The following SRPK2 variants were observed in gnomAD, a reference collection of about 807,000 sequenced individuals.
SRPK2 encodes the protein SFRS protein kinase 2.
In SRPK2, 21 loss-of-function variants were observed where a neutral mutation model predicts 90.8. The ratio of observed to expected loss-of-function variants is 0.23; its 90% CI spans 0.16 to 0.33. The LOEUF is 0.33. Ranked by LOEUF, SRPK2 falls within the 10% of genes least tolerant of loss-of-function variation. The pLI is 1.00. For missense variants in SRPK2, 620 were observed against 869.0 expected (o/e 0.71, Z 3.60); for synonymous variants, 288 against 311.1 (o/e 0.93, Z 0.78).
chr7:105,140,657 A>G (rs1232331149), intron 11 of SRPK2, among the ~76,000 whole-genome samples: 1 of 151,972 alleles, frequency 6.6e-6, no homozygotes, highest in Non-Finnish European at 1.5e-5. Context: ...GGTACTTTGT[A>G]AATTACTTTC....
At chr7:105,379,703 G>A (rs892107835) in intron 2 of SRPK2, among the ~76,000 whole-genome samples, 1 of 152,218 alleles carries the variant, frequency 6.6e-6, no homozygotes, top group African/African-American at 2.4e-5. Context: ...ACTGGGCCAG[G>A]CGTGGTGGCT....
At chr7:105,233,098 AG>A (rs1330001616) in intron 2 of SRPK2, among the ~76,000 whole-genome samples, 3 of 74,238 alleles carry the variant, frequency 4.0e-5, no homozygotes, top group African/African-American at 1.5e-4. Flanking sequence ...GAAAGAAGGA[AG>A]GAAGGAAGGA....
Position 105,247,517 on chromosome 7 carries a change from CACACACACACATAA to C in SRPK2, c.72-43746_72-43733del, listed in dbSNP as rs796396276. 3.1e-3 allele frequency among the ~76,000 whole-genome samples: 365 copies of C among 115,988 alleles called. 7 individuals are homozygous for C. The East Asian group carries it at 0.058, about 19-fold the overall frequency. 76.1% of individuals were successfully genotyped at this position (115,988 alleles called of 152,430 possible). A position where few individuals can be genotyped will look rare whatever the true frequency, so the allele number is the denominator to read the frequency against. Reference sequence around the variant, plus strand: ...CCGGAGTGCCATACATACCAAAAAACACACACACACATAAACACACACACACACACACACACACA... The same window carrying C: ...CCGGAGTGCCATACATACCAAAAAACACACACACACACACACACACACACA... On this transcript the variant is annotated intron_variant, in intron 2 of 15. Transcript: ENST00000393651.
intron 3 of SRPK2, among the ~76,000 whole-genome samples, chr7:105,176,250 G>A (rs1791828681): frequency 6.6e-6 from 1 of 152,106 alleles, no homozygotes; most frequent in Admixed American, 6.5e-5. Flanking sequence ...ATCAGACACA[G>A]AAAATCATCT....
intron 2 of SRPK2, among the ~76,000 whole-genome samples, chr7:105,301,188 A>G (rs1682024458): frequency 6.6e-6 from 1 of 152,078 alleles, no homozygotes; most frequent in Non-Finnish European, 1.5e-5. Context: ...TCACGCCTGT[A>G]ATCCCAGCAC....
At position 105,213,068 on chromosome 7, in the gene SRPK2, G is replaced by C. The variant is rs370146111; in HGVS notation, c.72-9283C>G. ...TATATCAAGGACTTGAGCATCCATG[G>C]ATTTTGGTATCCGAATGGGATCCTG... On this transcript the variant is annotated intron_variant, in intron 2 of 15. Coordinates refer to ENST00000393651, the MANE Select transcript of SRPK2 (RefSeq NM_182692.3). 5.3e-5 allele frequency among the ~76,000 whole-genome samples: 8 copies of C among 152,282 alleles called. No homozygotes were observed. In the East Asian group the frequency reaches 1.2e-3, roughly 22 times the overall value.
At chr7:105,143,561 G>A (rs1247165355) in intron 9 of SRPK2, 1 of 557,164 alleles carries the variant, frequency 1.8e-6, no homozygotes, top group East Asian at 3.1e-5. Flanking sequence ...TGCCCTCAGA[G>A]GGATATAGCT....
intron 2 of SRPK2, among the ~76,000 whole-genome samples, chr7:105,257,998 T>A (rs1300191099): frequency 6.6e-6 from 1 of 151,624 alleles, no homozygotes; most frequent in African/African-American, 2.4e-5. Context: ...TCCCACCTAC[T>A]CTGGAGGGGG....
chr7:105,171,018 G>A lies in SRPK2; in HGVS notation c.230-1753C>T, dbSNP rs1023189663. 2.5e-5 allele frequency among the ~76,000 whole-genome samples: 3 copies of A among 120,578 alleles called. 1 individual carries two copies. The highest frequency in any genetic ancestry group is 5.3e-5 in the Non-Finnish European group (3 of 56,180). The allele number at this position is 120,578 out of a possible 152,430, so 79.1% of individuals were successfully genotyped here. A position where few individuals can be genotyped will look rare whatever the true frequency, so the allele number is the denominator to read the frequency against. On this transcript the variant is annotated intron_variant, in intron 3 of 15. Coordinates refer to ENST00000393651, the MANE Select transcript of SRPK2 (RefSeq NM_182692.3). ...AAGAGAAAGAAAGAAAGAAAGAGAGGAAGGAAGGAAGGAAGGAAGGAAAGG... is the reference window on the plus strand; with the variant it reads ...AAGAGAAAGAAAGAAAGAAAGAGAGAAAGGAAGGAAGGAAGGAAGGAAAGG...
At chr7:105,167,222 A>G (rs1029238771) in intron 6 of SRPK2, among the ~76,000 whole-genome samples, 155 bp downstream of exon 6, 2 of 152,250 alleles carry the variant, frequency 1.3e-5, no homozygotes, top group Admixed American at 6.5e-5. Flanking sequence ...AAAGCCATGA[A>G]AACTATTCTA....
At chr7:105,293,548 T>A (rs1809362756) in intron 2 of SRPK2, among the ~76,000 whole-genome samples, 1 of 150,654 alleles carries the variant, frequency 6.6e-6, no homozygotes, top group Admixed American at 6.6e-5. Flanking sequence ...GCCTCCTGAG[T>A]AGCTGGGACT....
chr7:105,223,215 C>T (rs750372633), intron 2 of SRPK2, among the ~76,000 whole-genome samples: 1 of 152,212 alleles, frequency 6.6e-6, no homozygotes, highest in Non-Finnish European at 1.5e-5. Flanking sequence ...ATCTCTTCAG[C>T]TGAAAAAAGC....
At chr7:105,353,593 T>C (rs1335302436) in intron 2 of SRPK2, among the ~76,000 whole-genome samples, 2 of 152,154 alleles carry the variant, frequency 1.3e-5, no homozygotes, top group Non-Finnish European at 2.9e-5. Context: ...CTCAAACTCC[T>C]GAGCTCAAAT....
intron 2 of SRPK2, among the ~76,000 whole-genome samples, chr7:105,336,292 T>TAA (rs1183722941): frequency 6.6e-6 from 1 of 152,218 alleles, no homozygotes; most frequent in African/African-American, 2.4e-5. Context: ...GAAAAGTCTG[T>TAA]AAAGTTACCT....
At chr7:105,358,751 A>C (rs1367845262) in intron 2 of SRPK2, among the ~76,000 whole-genome samples, 1 of 152,112 alleles carries the variant, frequency 6.6e-6, no homozygotes, top group Non-Finnish European at 1.5e-5. Flanking sequence ...GTCTTAGTCT[A>C]TTTTTGCTGC....
chr7:105,140,028 T>C (rs1803477903), intron 11 of SRPK2, among the ~76,000 whole-genome samples: 1 of 152,124 alleles, frequency 6.6e-6, no homozygotes. Context: ...TCCTATACAC[T>C]TTAGTTGATC....
At chr7:105,365,915 C>T (rs931010155) in intron 2 of SRPK2, among the ~76,000 whole-genome samples, 3 of 151,358 alleles carry the variant, frequency 2.0e-5, no homozygotes, top group African/African-American at 7.3e-5. Flanking sequence ...GAGTGCATGG[C>T]GCGATCTCGG....
In SRPK2 at chr7:105,358,085, G is replaced by A. The variant is rs576463933; in HGVS notation, c.71+30563C>T. 1.4e-4 allele frequency among the ~76,000 whole-genome samples: 22 copies of A among 151,962 alleles called. No homozygotes were observed. The South Asian group carries it at 2.9e-3, about 20-fold the overall frequency. ...GTAAAAATACAAAAATTAGTTGGGCGTGCTGGCATGTTCCTGGAGTCCCAG... is the reference window on the plus strand; with the variant it reads ...GTAAAAATACAAAAATTAGTTGGGCATGCTGGCATGTTCCTGGAGTCCCAG... On this transcript the variant is annotated intron_variant, in intron 2 of 15. Coordinates refer to ENST00000393651, the MANE Select transcript of SRPK2 (RefSeq NM_182692.3).
At chr7:105,225,179 AAAAC>A (rs140524692) in intron 2 of SRPK2, among the ~76,000 whole-genome samples, 180 of 151,644 alleles carry the variant, frequency 1.2e-3, no homozygotes, top group South Asian at 3.5e-3. Flanking sequence ...CTCTCTCTTT[AAAAC>A]AAACAAACAA....
Sources: gnomAD v4.1 joint callset for allele counts (sites outside exome capture counted in the v4.1 genomes callset) on GRCh38, gnomAD v4.1.1 for gene constraint, MANE v1.5 for transcripts, NCBI Gene and HGNC (gene_info 2026-07-23, HGNC 2026-07-21) for gene names.